The following NECAP2 variants were observed in gnomAD, a reference collection of about 807,000 sequenced individuals.
The protein encoded by NECAP2 is adaptin ear-binding coat-associated protein 2.
NECAP2 carries 38 observed loss-of-function variants against 37.8 expected under a neutral mutation model. The observed-to-expected ratio is 1.01, with a 90% CI of 0.78 to 1.32. NECAP2 has a LOEUF of 1.32. Ranked by LOEUF, NECAP2 falls within the 40% of genes most tolerant of loss-of-function variation. NECAP2 has a pLI of 0.00. For missense variants in NECAP2, 316 were observed against 334.5 expected, an observed-to-expected ratio of 0.94 and a Z score of 0.43; for synonymous variants, 121 against 127.7, an observed-to-expected ratio of 0.95 and a Z score of 0.35.
chr1:16,458,752 C>A, intron 7 of NECAP2, 90 bp from the exon 8 acceptor site: 1 of 1,385,828 alleles, frequency 7.2e-7, no homozygotes, highest in Non-Finnish European at 1.0e-6. Flanking sequence ...CTTCTTAGAG[C>A]TTTTTCTGTC....
intron 2 of NECAP2, among the ~76,000 whole-genome samples, chr1:16,445,548 A>G (rs996663930): frequency 6.6e-6 from 1 of 152,158 alleles, no homozygotes; most frequent in Non-Finnish European, 1.5e-5. Flanking sequence ...AAGGCAGATA[A>G]ATTGACAAGA....
chr1:16,440,895 C>G, intron 1 of NECAP2, 42 bp downstream of exon 1: 1 of 1,549,470 alleles, frequency 6.5e-7, no homozygotes, highest in Non-Finnish European at 8.9e-7. Flanking sequence ...CAATTTAACC[C>G]TTTCTCCGCC....
chr1:16,448,693 C>G (rs1207699563), intron 4 of NECAP2, among the ~76,000 whole-genome samples: 1 of 152,098 alleles, frequency 6.6e-6, no homozygotes, highest in Non-Finnish European at 1.5e-5. Context: ...GGGTATCTGT[C>G]TTGTCCCCCC....
chr1:16,455,534 C>T (rs895075803), intron 6 of NECAP2: 16 of 424,738 alleles, frequency 3.8e-5, no homozygotes, highest in East Asian at 3.0e-4. Context: ...TGTTAGATGA[C>T]GTGAGACTAA....
intron 4 of NECAP2, among the ~76,000 whole-genome samples, chr1:16,448,637 G>A (rs1229648806): frequency 2.0e-5 from 3 of 152,194 alleles, no homozygotes; most frequent in Admixed American, 6.5e-5. Context: ...GCTGCTGGGT[G>A]GTGTGGTATG....
intron 6 of NECAP2, 72 bp downstream of exon 6, chr1:16,452,087 G>A: frequency 1.4e-6 from 2 of 1,441,838 alleles, no homozygotes; most frequent in East Asian, 2.3e-5. Flanking sequence ...CAGGCCCCAT[G>A]GTTTCCCCCC....
intron 6 of NECAP2, 40 bp downstream of exon 6, chr1:16,452,055 G>C: frequency 6.6e-7 from 1 of 1,514,852 alleles, no homozygotes; most frequent in Non-Finnish European, 8.8e-7. Context: ...AGTACCTGCC[G>C]GCTCCTCTTC....
chr1:16,449,214 C>T lies in NECAP2; in HGVS notation c.489+13C>T, dbSNP rs748805271. 4 of 1,585,988 alleles carry T rather than the reference C, an allele frequency of 2.5e-6. No homozygotes were observed. Among genetic ancestry groups the T allele is most frequent in the Admixed American group, 3.5e-5 (2 of 57,730 alleles). ...GCTCAACATCGCAGTGAGTTCTACC[C>T]TTGCTTGGCTGTGGTGACGTGATAC... On this transcript the variant is annotated intron_variant, in intron 5 of 7. Transcript: ENST00000337132.
rs985103776 is a variant in NECAP2, at chr1:16,455,685, G to A, written c.668-133G>A. 6.2e-5 allele frequency: 43 copies of A among 695,996 alleles called. 1 individual carries two copies. The Admixed American group carries it at 7.7e-4, about 12-fold the overall frequency. The allele number at this position is 695,996 out of a possible 1,614,324, so 43.1% of individuals were successfully genotyped here. A position where few individuals can be genotyped will look rare whatever the true frequency, so the allele number is the denominator to read the frequency against. The stretch of plus-strand genomic sequence containing the variant: ...GTTGCCCAAAAGCATGTCTGGTGTG[G>A]CTTTCCCAGCTACCTGGTGTCATGA... On this transcript the variant is annotated intron_variant, in intron 6 of 7. Coordinates refer to ENST00000337132, the MANE Select transcript of NECAP2 (RefSeq NM_018090.5).
chr1:16,440,964 G>A, intron 1 of NECAP2, 111 bp downstream of exon 1: 1 of 830,732 alleles, frequency 1.2e-6, no homozygotes, highest in Admixed American at 2.0e-5. Flanking sequence ...GGGGCGAGGG[G>A]GAGCTAATGC....
chr1:16,449,058 C>T (rs1483978387), intron 4 of NECAP2, 35 bp from the exon 5 acceptor site: 3 of 1,460,876 alleles, frequency 2.1e-6, no homozygotes, highest in African/African-American at 1.4e-5. Context: ...CTGGTCTCTT[C>T]CTTCCTCACC....
At position 16,452,360 on chromosome 1, in the gene NECAP2, A is replaced by G. The variant is rs530728786; in HGVS notation, c.667+345A>G. On this transcript the variant is annotated intron_variant, in intron 6 of 7. Transcript: ENST00000337132. The stretch of plus-strand genomic sequence containing the variant: ...TCTCTGCTCACGTGTAGTGAGAGAG[A>G]TGAGTCACAGCACAGAGACCAAATG... Among the ~76,000 whole-genome samples, 159 of 152,144 alleles carry G rather than the reference A, an allele frequency of 1.0e-3. 2 individuals are homozygous for G. Among genetic ancestry groups the G allele is most frequent in the African/African-American group, 3.6e-3 (149 of 41,528 alleles).
chr1:16,459,481 C>T lies in NECAP2; in HGVS notation c.*591C>T, dbSNP rs993233731. The stretch of plus-strand genomic sequence containing the variant: ...ATTTTGCTTTGCTAATGTGCTGATC[C>T]GCACTAACTCATCTTTGCAAAAGGA... On this transcript the variant is annotated 3_prime_UTR_variant, in exon 8 of 8. Coordinates refer to ENST00000337132, the MANE Select transcript of NECAP2 (RefSeq NM_018090.5). 2.0e-5 allele frequency: 3 copies of T among 152,340 alleles called. No individual in the cohort carries two copies. The highest frequency in any genetic ancestry group is 1.9e-4 in the East Asian group (1 of 5,202). 9.4% of individuals were successfully genotyped at this position (152,340 alleles called of 1,614,324 possible). A position where few individuals can be genotyped will look rare whatever the true frequency, so the allele number is the denominator to read the frequency against.
At chr1:16,450,257 T>TG in intron 5 of NECAP2, 1 of 377,308 alleles carries the variant, frequency 2.7e-6, no homozygotes, top group Non-Finnish European at 5.1e-6. Flanking sequence ...GGTTTTTTTT[T>TG]GTTTTGTTTT....
intron 5 of NECAP2, 148 bp from the exon 6 acceptor site, chr1:16,451,690 T>C: frequency 1.4e-6 from 1 of 740,642 alleles, no homozygotes; most frequent in Non-Finnish European, 2.4e-6. Context: ...TAAGTATAGC[T>C]CATAGCAATG....
chr1:16,452,038 C>T (rs2086851425), intron 6 of NECAP2, 23 bp downstream of exon 6: 2 of 1,543,440 alleles, frequency 1.3e-6, no homozygotes, highest in Middle Eastern at 1.8e-4. Context: ...TGGGTGACTG[C>T]TGCATCAGTA....
intron 5 of NECAP2, chr1:16,449,460 G>A (rs925301310): frequency 2.6e-5 from 11 of 431,276 alleles, no homozygotes; most frequent in Middle Eastern, 6.2e-4. Context: ...CCTGGGTGCC[G>A]TGGGCTCCTA....
At chr1:16,443,813 T>C in intron 2 of NECAP2, 81 bp downstream of exon 2, 1 of 1,083,030 alleles carries the variant, frequency 9.2e-7, no homozygotes, top group Non-Finnish European at 1.4e-6. Context: ...CTGGCCAGGC[T>C]GCTCAGGGGT....
In NECAP2 at chr1:16,459,310, T is replaced by G; in HGVS notation, c.*420T>G. 5.6e-6 allele frequency: 1 copy of G among 177,714 alleles called. No individual in the cohort carries two copies. 11.0% of individuals were successfully genotyped at this position (177,714 alleles called of 1,614,324 possible). On this transcript the variant is annotated 3_prime_UTR_variant, in exon 8 of 8. Coordinates refer to ENST00000337132, the MANE Select transcript of NECAP2 (RefSeq NM_018090.5). ...TCACAGTTCAGCGGGAGGCTTTCCG[T>G]ACCCACACTGGCTGTAGCCACTTCA... is the stretch of plus-strand genomic sequence containing the variant.
Sources: allele counts gnomAD v4.1 joint callset (sites outside exome capture counted in the v4.1 genomes callset), GRCh38; gene constraint gnomAD v4.1.1; transcripts MANE v1.5; gene names NCBI Gene and HGNC (gene_info 2026-07-23, HGNC 2026-07-21).